The following USP39 variants were observed in gnomAD, a reference collection of about 807,000 sequenced individuals.
The protein encoded by USP39 is ubiquitin carboxyl-terminal hydrolase 39.
Under a neutral mutation model 66.4 loss-of-function variants are expected in USP39, and 38 were observed. That is an observed-to-expected ratio of 0.57 (90% CI 0.44 to 0.75). The LOEUF (loss-of-function observed/expected upper bound fraction) is 0.75, where lower values mean the gene tolerates loss of function less well. USP39 is among the 30% of genes least tolerant of loss of function. The pLI is 0.00. For missense variants in USP39, 608 were observed against 714.4 expected (o/e 0.85, Z 1.70); for synonymous variants, 303 against 274.6 (o/e 1.10, Z -1.02).
chr2:85,627,152 A>G (rs917387590), intron 5 of USP39, among the ~76,000 whole-genome samples: 1 of 152,004 alleles, frequency 6.6e-6, no homozygotes, highest in African/African-American at 2.4e-5. Context: ...GCTGGAATGC[A>G]GTGGCATGAT....
intron 10 of USP39, among the ~76,000 whole-genome samples, chr2:85,643,651 T>C (rs1022887295): frequency 1.9e-5 from 1 of 52,316 alleles, no homozygotes; most frequent in African/African-American, 3.0e-4. Flanking sequence ...ATATCTCCTT[T>C]TTTTTTTTTT....
chr2:85,644,470 C>T (rs1435027014), intron 10 of USP39, among the ~76,000 whole-genome samples: 4 of 152,006 alleles, frequency 2.6e-5, no homozygotes, highest in African/African-American at 4.8e-5. Flanking sequence ...GTCTCACTGT[C>T]GCCCAGGCTG....
intron 1 of USP39, among the ~76,000 whole-genome samples, chr2:85,604,710 T>C (rs1228589162): frequency 1.3e-5 from 2 of 152,272 alleles, no homozygotes; most frequent in African/African-American, 4.8e-5. Context: ...ACCATCTTCC[T>C]GCCCAACTGC....
At chr2:85,610,013 G>GTTTT (rs552989319), upstream of USP39, among the ~76,000 whole-genome samples, 7 of 125,150 alleles carry the variant, frequency 5.6e-5, no homozygotes, top group African/African-American at 2.0e-4. Context: ...AGTGTAAGTG[G>GTTTT]TTTTTTTTTT....
At chr2:85,634,518 G>A (rs765123384) in intron 6 of USP39, among the ~76,000 whole-genome samples, 3 of 152,288 alleles carry the variant, frequency 2.0e-5, no homozygotes, top group Admixed American at 1.3e-4. Flanking sequence ...AGCTTGCAGT[G>A]AGCTGAAGTT....
upstream of USP39, chr2:85,611,805 G>T (rs750097758): frequency 4.3e-6 from 7 of 1,610,072 alleles, no homozygotes; most frequent in South Asian, 1.1e-5. Flanking sequence ...AGCCGAGCGG[G>T]AGTCAGGGAC....
upstream of USP39, chr2:85,611,450 G>A (rs1034391575): frequency 8.3e-5 from 128 of 1,540,638 alleles, no homozygotes; most frequent in Middle Eastern, 1.7e-4. Context: ...CTGGCTCCCC[G>A]ATACTCTGAC....
chr2:85,642,517 T>C (rs1159049056), intron 10 of USP39, among the ~76,000 whole-genome samples: 1 of 152,192 alleles, frequency 6.6e-6, no homozygotes, highest in African/African-American at 2.4e-5. Flanking sequence ...CCTTGCCCCA[T>C]TGGTTTCTTT....
At chr2:85,640,944 A>G (rs890588652) in intron 9 of USP39, 32 bp from the exon 10 acceptor site, 5 of 1,582,074 alleles carry the variant, frequency 3.2e-6, no homozygotes, top group African/African-American at 1.4e-5. Context: ...GAACTTCAGC[A>G]CTAATTTGAG....
chr2:85,605,674 A>G (rs935928310), intron 1 of USP39, among the ~76,000 whole-genome samples: 1 of 152,222 alleles, frequency 6.6e-6, no homozygotes, highest in African/African-American at 2.4e-5. Flanking sequence ...TCTGCACACA[A>G]AGCCCTCATT....
At chr2:85,612,055 G>A (rs543596651), upstream of USP39, 305 of 1,197,868 alleles carry the variant, frequency 2.5e-4, 2 homozygotes, top group African/African-American at 4.3e-3. Context: ...ACAGAGCTCC[G>A]CGCCGCCCCT....
At chr2:85,630,974 A>G in intron 6 of USP39, 28 bp downstream of exon 6, 1 of 1,597,782 alleles carries the variant, frequency 6.3e-7, no homozygotes, top group Non-Finnish European at 8.5e-7. Context: ...ATGTTTCAGG[A>G]CAACAAAACT....
At chr2:85,644,857 T>G (rs1374939008) in intron 10 of USP39, 91 bp from the exon 11 acceptor site, 2 of 1,549,042 alleles carry the variant, frequency 1.3e-6, no homozygotes, top group Non-Finnish European at 1.8e-6. Context: ...AAAATAGGGC[T>G]GAACAATTTT....
chr2:85,623,619 A>G, intron 3 of USP39, 27 bp from the exon 4 acceptor site: 4 of 1,605,482 alleles, frequency 2.5e-6, no homozygotes, highest in South Asian at 2.2e-5. Flanking sequence ...CTGCCCTTCT[A>G]TTACAGCTTT....
chr2:85,612,396 G>A, upstream of USP39: 1 of 1,530,632 alleles, frequency 6.5e-7, no homozygotes, highest in Non-Finnish European at 8.8e-7. Flanking sequence ...CCATCTGCGT[G>A]ACTTTGGCTG....
In USP39 at chr2:85,618,774, T is replaced by C. The variant is rs555443606; in HGVS notation, c.269-446T>C. On this transcript the variant is annotated intron_variant, in intron 1 of 12. Transcript: ENST00000323701. Reference sequence around the variant, plus strand: ...TGTTCTATTAGTGGGCTTTTTTCTTTTCTTTTTTTTTTGAGAGGGAGTTTT... The same window carrying C: ...TGTTCTATTAGTGGGCTTTTTTCTTCTCTTTTTTTTTTGAGAGGGAGTTTT... Among the ~76,000 whole-genome samples, 517 of 152,190 alleles carry C rather than the reference T, an allele frequency of 3.4e-3. 2 individuals are homozygous for C. The highest frequency in any genetic ancestry group is 5.4e-3 in the Non-Finnish European group (364 of 67,990).
chr2:85,643,288 A>G (rs1051402815), intron 10 of USP39, among the ~76,000 whole-genome samples: 3 of 152,016 alleles, frequency 2.0e-5, no homozygotes, highest in African/African-American at 7.2e-5. Flanking sequence ...CAGGAGATCG[A>G]GACCATCCTG....
intron 6 of USP39, among the ~76,000 whole-genome samples, chr2:85,635,542 AGAGT>A (rs1286549876): frequency 1.3e-5 from 2 of 152,124 alleles, no homozygotes; most frequent in East Asian, 3.9e-4. Context: ...CCTGGGCGAC[AGAGT>A]GAGACTCTGT....
intron 11 of USP39, chr2:85,646,241 T>C (rs187326763): frequency 3.3e-5 from 5 of 152,384 alleles, no homozygotes; most frequent in Non-Finnish European, 7.3e-5. Context: ...AAACATGTAC[T>C]TGAGATATAT....
Sources: allele counts gnomAD v4.1 joint callset (sites outside exome capture counted in the v4.1 genomes callset), GRCh38; gene constraint gnomAD v4.1.1; transcripts MANE v1.5; gene names NCBI Gene and HGNC (gene_info 2026-07-23, HGNC 2026-07-21).